ABLIM3: variants seen among roughly 807,000 people sequenced by gnomAD.
ABLIM3 encodes the protein actin binding LIM protein family member 3.
A neutral mutation model predicts 109.5 loss-of-function variants in ABLIM3; 61 were observed. That is an observed-to-expected ratio of 0.56 (90% CI 0.45 to 0.69). The LOEUF (loss-of-function observed/expected upper bound fraction) is 0.69. Among genes scored for constraint, ABLIM3 ranks in the 30% least tolerant of loss-of-function variants. The pLI is 0.00. For missense variants in ABLIM3, 796 were observed against 889.5 expected, an observed-to-expected ratio of 0.89 and a Z score of 1.34; for synonymous variants, 300 against 324.8, an observed-to-expected ratio of 0.92 and a Z score of 0.82.
At chr5:149,244,803 G>T in intron 15 of ABLIM3, 78 bp from the exon 16 acceptor site, 1 of 1,593,324 alleles carries the variant, frequency 6.3e-7, no homozygotes, top group Non-Finnish European at 8.6e-7. Flanking sequence ...CTGGAGCCTG[G>T]TAAAGATAGG....
In ABLIM3 at chr5:149,223,262, T is replaced by C. The variant is rs72660268; in HGVS notation, c.757+6216T>C. Among the ~76,000 whole-genome samples, 1,122 of 152,316 alleles carry C rather than the reference T, an allele frequency of 7.4e-3. 28 individuals carry two copies. The East Asian group carries it at 0.08, about 11-fold the overall frequency. On this transcript the variant is annotated intron_variant, in intron 8 of 23. Transcript: ENST00000309868. ...TCAGGTCACCACAGACTCATGCCGA[T>C]GTGGCCATTTTCTCGCCTGTCACAT...
At chr5:149,196,383 C>T (rs1757977133) in intron 3 of ABLIM3, among the ~76,000 whole-genome samples, 1 of 152,246 alleles carries the variant, frequency 6.6e-6, no homozygotes, top group African/African-American at 2.4e-5. Flanking sequence ...GACTTACAGT[C>T]TTGCTAACTA....
intron 8 of ABLIM3, among the ~76,000 whole-genome samples, chr5:149,224,735 G>A (rs1194808408): frequency 6.6e-6 from 1 of 152,158 alleles, no homozygotes; most frequent in Non-Finnish European, 1.5e-5. Context: ...TATAGTCCCT[G>A]ACATAGGCGG....
chr5:149,244,713 C>T (rs1322416742), intron 15 of ABLIM3, 168 bp from the exon 16 acceptor site: 21 of 798,326 alleles, frequency 2.6e-5, no homozygotes, highest in Non-Finnish European at 4.2e-5. Flanking sequence ...GGTTTGGCCC[C>T]AGTGCTTTTC....
intron 18 of ABLIM3, 88 bp from the exon 19 acceptor site, chr5:149,249,727 G>A (rs1581243089): frequency 1.3e-6 from 2 of 1,534,684 alleles, no homozygotes; most frequent in African/African-American, 2.7e-5. Flanking sequence ...ATCGGGTATG[G>A]AAGCCACATC....
rs1265652526 is a variant in ABLIM3, at chr5:149,246,568, G to A, written c.1551+22G>A. On this transcript the variant is annotated intron_variant, in intron 17 of 23. Transcript: ENST00000309868. ...CAAGGTGGGCAGAGACCACAGCACT[G>A]AATATGATGCTTAGAGCGTATATCA... is the stretch of plus-strand genomic sequence containing the variant. 5 of 1,613,130 alleles carry A rather than the reference G, an allele frequency of 3.1e-6. No homozygotes were observed. The African/African-American group carries it at 5.3e-5, about 17-fold the overall frequency.
intron 7 of ABLIM3, among the ~76,000 whole-genome samples, chr5:149,214,013 G>T (rs1561594831): frequency 6.6e-6 from 1 of 152,154 alleles, no homozygotes; most frequent in Non-Finnish European, 1.5e-5. Flanking sequence ...AGCCACTTGG[G>T]GGTCTTTGAG....
rs1753380690 is a variant in ABLIM3 at position 149,246,559 on chromosome 5, C to A, written c.1551+13C>A. 6.2e-7 allele frequency: 1 copy of A among 1,613,878 alleles called. No homozygotes were observed. The highest frequency in any genetic ancestry group is 2.2e-5 in the East Asian group (1 of 44,874). On this transcript the variant is annotated intron_variant, in intron 17 of 23. Transcript: ENST00000309868. ...CAGCATGCACAAGGTGGGCAGAGAC[C>A]ACAGCACTGAATATGATGCTTAGAG...
At chr5:149,220,255 A>G (rs1760509836) in intron 8 of ABLIM3, 1 of 152,226 alleles carries the variant, frequency 6.6e-6, no homozygotes, top group Admixed American at 6.5e-5. Context: ...TAGTGCTTTC[A>G]TTCTTCCAAC....
chr5:149,157,439 T>C (rs1309182445), intron 2 of ABLIM3, among the ~76,000 whole-genome samples: 2 of 151,958 alleles, frequency 1.3e-5, no homozygotes, highest in Non-Finnish European at 2.9e-5. Context: ...TTATCCTTCC[T>C]CCTTCTGATT....
intron 15 of ABLIM3, 32 bp downstream of exon 15, chr5:149,242,570 A>C (rs755314102): frequency 6.2e-7 from 1 of 1,612,856 alleles, no homozygotes; most frequent in South Asian, 1.1e-5. Flanking sequence ...GCTTGGCCAC[A>C]CAAGGAGAGG....
chr5:149,198,212 C>A lies in ABLIM3; in HGVS notation c.152-7C>A, dbSNP rs769669191. Reference sequence around the variant, plus strand: ...ACCTGCCCTTGTTTTCCTCCTTGTTCCCCAAGTATGTGGCTGTGGCCTGGC... The same window carrying A: ...ACCTGCCCTTGTTTTCCTCCTTGTTACCCAAGTATGTGGCTGTGGCCTGGC... On this transcript the variant is annotated splice_polypyrimidine_tract_variant and splice_region_variant and intron_variant, in intron 3 of 23. Transcript: ENST00000309868. The surrounding 1 kb of genome is among the most constrained non-coding windows in gnomAD (Gnocchi z 4.2). 4.4e-6 allele frequency: 7 copies of A among 1,607,262 alleles called. No homozygotes were observed. Among genetic ancestry groups the A allele is most frequent in the Non-Finnish European group, 8.5e-7 (1 of 1,176,824 alleles).
chr5:149,225,937 A>ATATG lies in ABLIM3; in HGVS notation c.758-4700_758-4697dup, dbSNP rs1554092453. Among the ~76,000 whole-genome samples the ATATG allele has an allele frequency of 7.5e-3, 1,065 of 141,454 alleles. 25 individuals are homozygous for ATATG. The highest frequency in any genetic ancestry group is 0.027 in the African/African-American group (1,007 of 36,772). The allele number at this position is 141,454 out of a possible 152,430, so 92.8% of individuals were successfully genotyped here. Reference sequence around the variant, plus strand: ...CCATCATATATACATATATATATATATATGTATGTATGTATATAATATGTG... The same window carrying ATATG: ...CCATCATATATACATATATATATATATATGTATGTATGTATGTATATAATATGTG... On this transcript the variant is annotated intron_variant, in intron 8 of 23. Transcript: ENST00000309868.
intron 3 of ABLIM3, among the ~76,000 whole-genome samples, chr5:149,194,769 C>T (rs1757794507): frequency 6.6e-6 from 1 of 152,032 alleles, no homozygotes; most frequent in South Asian, 2.1e-4. Context: ...GGTGGTAAGA[C>T]TATAAAGTAA....
chr5:149,250,318 G>A, intron 19 of ABLIM3, 129 bp from the exon 20 acceptor site: 1 of 821,060 alleles, frequency 1.2e-6, no homozygotes, highest in Non-Finnish European at 2.0e-6. Flanking sequence ...AGGAAGAGTT[G>A]GTGGCCTCTG....
chr5:149,214,101 G>A (rs1759821864), intron 7 of ABLIM3, among the ~76,000 whole-genome samples: 1 of 152,196 alleles, frequency 6.6e-6, no homozygotes, highest in Non-Finnish European at 1.5e-5. Context: ...TAGCCCTGAA[G>A]CCTTAAGCAA....
At position 149,239,843 on chromosome 5, in the gene ABLIM3, A is replaced by C. The variant is rs370917930; in HGVS notation, c.1159A>C (p.Met387Leu). ...CTCCCCCACCTACAGCCGGCAGGGC[A>C]TGTCCCCCACCTTCTCCCGCTCACC... Reference protein sequence around the residue: ...IDSPTYSRQGMSPTFSRSPHH... With the variant: ...IDSPTYSRQGLSPTFSRSPHH... The change falls in exon 13 of 24, where the codon ATG (methionine) becomes CTG (leucine). Residue 387 changes from methionine (M) to leucine (L), a missense_variant. Physicochemically the swap from Met to Leu is conservative, Grantham distance 15. Transcript: ENST00000309868. The C allele has an allele frequency of 5.6e-5, 91 of 1,610,698 alleles. No homozygotes were observed. Among genetic ancestry groups the C allele is most frequent in the Non-Finnish European group, 7.6e-5 (89 of 1,178,402 alleles).
At chr5:149,169,086 C>CCCCTCAACCACTGACTTTGCTGTAGGAT (rs560859835) in intron 2 of ABLIM3, among the ~76,000 whole-genome samples, 1 of 125,474 alleles carries the variant, frequency 8.0e-6, no homozygotes, top group African/African-American at 2.8e-5. Context: ...TGCTGTAGGA[C>CCCCTCAACCACTGACTTTGCTGTAGGAT]CCCCCCACCC....
intron 8 of ABLIM3, among the ~76,000 whole-genome samples, chr5:149,226,538 G>A (rs1761304199): frequency 6.6e-6 from 1 of 152,232 alleles, no homozygotes; most frequent in South Asian, 2.1e-4. Context: ...GCCCTAGCTA[G>A]GGTCAAGGCC....
Sources: gnomAD v4.1 joint callset for allele counts (sites outside exome capture counted in the v4.1 genomes callset) on GRCh38, gnomAD v4.1.1 for gene constraint, Gnocchi (gnomAD v3.1) non-coding constraint, MANE v1.5 for transcripts, NCBI Gene and HGNC (gene_info 2026-07-23, HGNC 2026-07-21) for gene names.